The following IL1RAPL2 variants were observed in gnomAD, a reference collection of about 807,000 sequenced individuals.
IL1RAPL2 encodes the protein interleukin 1 receptor accessory protein like 2.
A neutral mutation model predicts 44.1 loss-of-function variants in IL1RAPL2; 3 were observed. That is an observed-to-expected ratio of 0.07 (90% CI 0.03 to 0.18). IL1RAPL2 has a LOEUF of 0.18. Among genes scored for constraint, IL1RAPL2 ranks in the 10% least tolerant of loss-of-function variants. The probability of loss-of-function intolerance (pLI) is 1.00; values close to 1 mark genes in which losing one functional copy is unlikely to be tolerated. For missense variants in IL1RAPL2, 391 were observed against 496.4 expected (o/e 0.79, Z 2.02); for synonymous variants, 181 against 178.8 (o/e 1.01, Z -0.10).
At chrX:105,761,683 C>T (rs371980212) in intron 10 of IL1RAPL2, among the ~76,000 whole-genome samples, 5 of 111,972 alleles carry the variant, frequency 4.5e-5, no homozygotes, top group African/African-American at 1.6e-4. Flanking sequence ...CATCCTGTCT[C>T]ACCCTAATGG....
At chrX:105,207,011 A>C (rs2033769479) in intron 3 of IL1RAPL2, among the ~76,000 whole-genome samples, 2 of 111,669 alleles carry the variant, frequency 1.8e-5, no homozygotes, top group African/African-American at 6.5e-5. Context: ...TCTTTTTCAA[A>C]AACTCATTGC....
At chrX:104,995,611 C>A (rs2030734709) in intron 2 of IL1RAPL2, among the ~76,000 whole-genome samples, 2 of 112,015 alleles carry the variant, frequency 1.8e-5, no homozygotes, top group Non-Finnish European at 3.8e-5. Flanking sequence ...GTTGTAGTTT[C>A]TTTCCATCAC....
chrX:104,662,972 G>T (rs1472396289), intron 2 of IL1RAPL2, among the ~76,000 whole-genome samples: 1 of 111,855 alleles, frequency 8.9e-6, no homozygotes, highest in Non-Finnish European at 1.9e-5. Context: ...AAATTGCAGA[G>T]CTACCTGCAT....
intron 2 of IL1RAPL2, among the ~76,000 whole-genome samples, chrX:104,718,181 C>T (rs1931613155): frequency 9.0e-6 from 1 of 110,964 alleles, no homozygotes; most frequent in African/African-American, 3.3e-5. Context: ...AATCGCCACA[C>T]TGACTTCCAC....
chrX:105,550,989 A>G (rs1391658788), intron 6 of IL1RAPL2, among the ~76,000 whole-genome samples: 1 of 111,626 alleles, frequency 9.0e-6, no homozygotes, highest in African/African-American at 3.3e-5. Flanking sequence ...ATATGTGACT[A>G]ACATGATTCA....
chrX:104,810,892 G>A (rs1197317337), intron 2 of IL1RAPL2, among the ~76,000 whole-genome samples: 1 of 112,314 alleles, frequency 8.9e-6, no homozygotes, highest in Non-Finnish European at 1.9e-5. Context: ...AATTTGTGTT[G>A]AGTGTAGTTA....
At chrX:105,382,095 C>A (rs1316016339) in intron 5 of IL1RAPL2, among the ~76,000 whole-genome samples, 1 of 98,263 alleles carries the variant, frequency 1.0e-5, no homozygotes, top group South Asian at 4.5e-4. Context: ...AAAGCAATGG[C>A]AACAAAAGCC....
At chrX:104,901,513 G>C (rs1923818681) in intron 2 of IL1RAPL2, among the ~76,000 whole-genome samples, 1 of 110,306 alleles carries the variant, frequency 9.1e-6, no homozygotes, top group African/African-American at 3.3e-5. Flanking sequence ...ACCCTACCGA[G>C]TTGGTTGCTT....
intron 2 of IL1RAPL2, among the ~76,000 whole-genome samples, chrX:104,911,808 T>A (rs1250039160): frequency 8.9e-6 from 1 of 112,062 alleles, no homozygotes; most frequent in African/African-American, 3.2e-5. Flanking sequence ...CATACTGATC[T>A]TCTTCCTGTT....
intron 2 of IL1RAPL2, among the ~76,000 whole-genome samples, chrX:104,934,015 T>C: frequency 8.9e-6 from 1 of 111,999 alleles, no homozygotes; most frequent in East Asian, 2.8e-4. Context: ...TTTATAAAAA[T>C]GGGTTTTTAA....
intron 5 of IL1RAPL2, among the ~76,000 whole-genome samples, chrX:105,429,699 C>T (rs1206814442): frequency 8.9e-6 from 1 of 111,817 alleles, no homozygotes; most frequent in Non-Finnish European, 1.9e-5. Flanking sequence ...TGATCTGTCA[C>T]AGCTACTCAA....
chrX:105,756,183 CAT>C (rs2147591181), intron 10 of IL1RAPL2, among the ~76,000 whole-genome samples: 1 of 112,171 alleles, frequency 8.9e-6, no homozygotes, highest in Non-Finnish European at 1.9e-5. Context: ...TTACTTTCAA[CAT>C]GTGATAATAA....
intron 4 of IL1RAPL2, among the ~76,000 whole-genome samples, chrX:105,252,040 T>C (rs1275150864): frequency 3.6e-5 from 4 of 111,466 alleles, no homozygotes; most frequent in Non-Finnish European, 7.6e-5. Flanking sequence ...AGTCAAGATA[T>C]GGAACAGTTC....
In IL1RAPL2 at chrX:105,740,690, G is replaced by T. The variant is rs779692982; in HGVS notation, c.1047G>T (p.Lys349Asn). The change falls in exon 8 of 11, where the codon AAG becomes AAT. Residue 349 changes from lysine to asparagine, a missense_variant and splice_region_variant. By Grantham distance (94) the Lys-to-Asn change is moderately conservative. Coordinates refer to ENST00000372582, the MANE Select transcript of IL1RAPL2 (RefSeq NM_017416.2). ...ATGCCAGTGTTTTGCTGCGTAAAAA[G>T]GGTATTTATTTTTATAACTATAACT... ...RKHASVLLRK[K>N]DLIYKIELAG... The T allele has an allele frequency of 2.5e-6, 3 of 1,201,232 alleles. No individual in the cohort carries two copies. The highest frequency in any genetic ancestry group is 2.2e-5 in the Admixed American group (1 of 45,397).
intron 2 of IL1RAPL2, among the ~76,000 whole-genome samples, chrX:104,986,931 A>G (rs1041546120): frequency 1.8e-5 from 2 of 112,188 alleles, no homozygotes; most frequent in African/African-American, 6.5e-5. Context: ...TGCTGTGGGG[A>G]ATTTTCCAGT....
intron 3 of IL1RAPL2, among the ~76,000 whole-genome samples, chrX:105,230,095 C>T (rs1556194157): frequency 8.9e-6 from 1 of 112,293 alleles, no homozygotes. Context: ...CCATGCCCGG[C>T]CAGAAGTAAA....
chrX:104,918,470 G>C, intron 2 of IL1RAPL2, among the ~76,000 whole-genome samples: 1 of 111,753 alleles, frequency 8.9e-6, no homozygotes, highest in Non-Finnish European at 1.9e-5. Context: ...GGTTATGATG[G>C]ACCAATGGGG....
At chrX:104,911,746 C>A (rs1924245115) in intron 2 of IL1RAPL2, among the ~76,000 whole-genome samples, 1 of 111,965 alleles carries the variant, frequency 8.9e-6, no homozygotes, top group South Asian at 3.7e-4. Context: ...ATCTGACATA[C>A]AGCTTCATCA....
chrX:105,241,273 G>A (rs914667085), intron 4 of IL1RAPL2, among the ~76,000 whole-genome samples: 6 of 110,988 alleles, frequency 5.4e-5, no homozygotes, highest in Non-Finnish European at 1.1e-4. Context: ...TTATGAAATA[G>A]AATTCCATGT....
Sources: gnomAD v4.1 joint callset for allele counts (sites outside exome capture counted in the v4.1 genomes callset) on GRCh38, gnomAD v4.1.1 for gene constraint, MANE v1.5 for transcripts, NCBI Gene and HGNC (gene_info 2026-07-23, HGNC 2026-07-21) for gene names.